ANXA4: variants seen among roughly 807,000 people sequenced by gnomAD.
ANXA4 encodes 35-beta calcimedin.
ANXA4 carries 39 observed loss-of-function variants against 49.8 expected under a neutral mutation model. That is an observed-to-expected ratio of 0.78 (90% CI 0.61 to 1.02). The LOEUF is 1.02. Among genes scored for constraint, ANXA4 ranks in the 50% least tolerant of loss-of-function variants. The probability of loss-of-function intolerance (pLI) is 0.00; values close to 1 mark genes in which losing one functional copy is unlikely to be tolerated. For missense variants in ANXA4, 360 were observed against 410.1 expected (o/e 0.88, Z 1.05); for synonymous variants, 134 against 152.5 (o/e 0.88, Z 0.89).
intron 2 of ANXA4, among the ~76,000 whole-genome samples, chr2:69,657,157 G>A (rs2105316970): frequency 6.6e-6 from 1 of 151,958 alleles, no homozygotes; most frequent in South Asian, 2.1e-4. Flanking sequence ...ACCATGCCCA[G>A]CTAATTTTTG....
intron 1 of ANXA4, among the ~76,000 whole-genome samples, chr2:69,747,790 A>G (rs908508716): frequency 1.3e-5 from 2 of 151,950 alleles, no homozygotes; most frequent in Non-Finnish European, 2.9e-5. Flanking sequence ...GGTTTAAGCA[A>G]TCCTTCCACT....
At chr2:69,695,999 G>A (rs1482041778) in intron 2 of ANXA4, among the ~76,000 whole-genome samples, 2 of 152,144 alleles carry the variant, frequency 1.3e-5, no homozygotes, top group Non-Finnish European at 2.9e-5. Context: ...GGTGACTGCT[G>A]ACTGATCAGG....
At chr2:69,731,514 G>A (rs1242205426) in intron 3 of ANXA4, among the ~76,000 whole-genome samples, 2 of 152,134 alleles carry the variant, frequency 1.3e-5, no homozygotes, top group Admixed American at 6.5e-5. Flanking sequence ...TCCACCTAGA[G>A]TATTTGTGAA....
At chr2:69,659,258 C>G (rs564386838) in intron 2 of ANXA4, among the ~76,000 whole-genome samples, 37 of 152,172 alleles carry the variant, frequency 2.4e-4, no homozygotes, top group African/African-American at 8.7e-4. Context: ...AAAGACAAGA[C>G]GAAAGTTAGA....
chr2:69,777,219 T>C (rs996925209), intron 1 of ANXA4, among the ~76,000 whole-genome samples: 4 of 152,188 alleles, frequency 2.6e-5, no homozygotes, highest in African/African-American at 9.6e-5. Context: ...TATTTCCCAC[T>C]GTCCTTTGGG....
chr2:69,756,828 T>C (rs904938809), intron 1 of ANXA4, among the ~76,000 whole-genome samples: 16 of 151,720 alleles, frequency 1.1e-4, no homozygotes, highest in African/African-American at 3.9e-4. Context: ...ACCAAGATCC[T>C]AAAAATGGGC....
intron 12 of ANXA4, among the ~76,000 whole-genome samples, chr2:69,823,497 A>G (rs181370374): frequency 7.2e-5 from 11 of 152,212 alleles, no homozygotes; most frequent in Admixed American, 7.2e-4. Flanking sequence ...ATACAGTGAC[A>G]TGTAAAAAGC....
chr2:69,820,568 C>G (rs1480212231), intron 11 of ANXA4, 131 bp from the exon 12 acceptor site: 2 of 1,037,472 alleles, frequency 1.9e-6, no homozygotes, highest in Non-Finnish European at 2.8e-6. Flanking sequence ...GGATATTCCT[C>G]AGGCCTGCCA....
intron 3 of ANXA4, among the ~76,000 whole-genome samples, chr2:69,798,659 C>G (rs1399465057): frequency 6.6e-6 from 1 of 152,252 alleles, no homozygotes; most frequent in East Asian, 1.9e-4. Context: ...GTCTTCAAGA[C>G]TGGTGGCCAG....
intron 2 of ANXA4, among the ~76,000 whole-genome samples, chr2:69,666,048 C>T (rs1324285712): frequency 6.6e-6 from 1 of 151,926 alleles, no homozygotes; most frequent in Non-Finnish European, 1.5e-5. Flanking sequence ...ACAAAAAATA[C>T]AAAAAAATAG....
chr2:69,819,128 T>C, intron 10 of ANXA4, 152 bp from the exon 11 acceptor site: 1 of 578,408 alleles, frequency 1.7e-6, no homozygotes, highest in East Asian at 2.9e-5. Context: ...ACATAGAGCA[T>C]CGCCTATGTT....
At chr2:69,643,855 C>T (rs1017101007), upstream of ANXA4, 18 of 1,179,410 alleles carry the variant, frequency 1.5e-5, no homozygotes, top group East Asian at 3.4e-4. Flanking sequence ...GGGGCCTCTC[C>T]TGCAACCGCC....
chr2:69,655,747 T>TGTTCACAA (rs1175565174), intron 2 of ANXA4, among the ~76,000 whole-genome samples: 1 of 152,182 alleles, frequency 6.6e-6, no homozygotes, highest in African/African-American at 2.4e-5. Flanking sequence ...ATTGCGGCAC[T>TGTTCACAA]GTTCACAATA....
chr2:69,769,936 T>C (rs1671644751), intron 1 of ANXA4, among the ~76,000 whole-genome samples: 1 of 152,230 alleles, frequency 6.6e-6, no homozygotes, highest in African/African-American at 2.4e-5. Flanking sequence ...GTGCTGGGTT[T>C]ACAGGTGTGA....
chr2:69,748,894 G>A (rs551452069), intron 1 of ANXA4, among the ~76,000 whole-genome samples: 1 of 149,910 alleles, frequency 6.7e-6, no homozygotes, highest in Non-Finnish European at 1.5e-5. Context: ...GTATTTTTTT[G>A]TAGAGACGAA....
chr2:69,654,916 A>G lies in ANXA4; in HGVS notation n.766+1634A>G, dbSNP rs762767537. Among the ~76,000 whole-genome samples, 137 of 152,342 alleles carry G rather than the reference A, an allele frequency of 9.0e-4. 2 individuals are homozygous for G. The highest frequency in any genetic ancestry group is 1.5e-4 in the Non-Finnish European group (10 of 68,022). ...ATCTTTGACAAACCTGACAAAAACA[A>G]GCAATGGGGAAAGGATTCCCTATTT... On this transcript the variant is annotated intron_variant and non_coding_transcript_variant, in intron 2 of 3. Transcript: ENST00000418066.
At chr2:69,768,177 A>G (rs1363655519) in intron 1 of ANXA4, among the ~76,000 whole-genome samples, 1 of 152,220 alleles carries the variant, frequency 6.6e-6, no homozygotes, top group Non-Finnish European at 1.5e-5. Context: ...TTAAATTATC[A>G]TGTCCAGTCC....
At chr2:69,673,310 G>T (rs1573085411) in intron 2 of ANXA4, among the ~76,000 whole-genome samples, 1 of 152,052 alleles carries the variant, frequency 6.6e-6, no homozygotes, top group Non-Finnish European at 1.5e-5. Context: ...ATACACCATG[G>T]AATACTATGC....
chr2:69,726,216 T>A (rs1196730370), intron 3 of ANXA4, among the ~76,000 whole-genome samples: 1 of 152,094 alleles, frequency 6.6e-6, no homozygotes, highest in Non-Finnish European at 1.5e-5. Context: ...AAAGTGGCAC[T>A]TCCCCCCTCA....
Sources: allele counts gnomAD v4.1 joint callset (sites outside exome capture counted in the v4.1 genomes callset), GRCh38; gene constraint gnomAD v4.1.1; transcripts MANE v1.5; gene names NCBI Gene and HGNC (gene_info 2026-07-23, HGNC 2026-07-21).